ALLC: variants seen among roughly 807,000 people sequenced by gnomAD.
ALLC encodes the protein probable inactive allantoicase.
In ALLC, 40 loss-of-function variants were observed where a neutral mutation model predicts 45.0. The observed-to-expected ratio is 0.89, with a 90% confidence interval of 0.69 to 1.16. ALLC has a LOEUF of 1.16. Ranked by LOEUF, ALLC falls within the 50% of genes most tolerant of loss-of-function variation. The pLI is 0.00. For synonymous variants in ALLC, 176 were observed against 178.1 expected, an observed-to-expected ratio of 0.99 and a Z score of 0.09; for missense variants, 488 against 493.1, an observed-to-expected ratio of 0.99 and a Z score of 0.10.
chr2:3,701,745 A>G (rs1010918448), intron 11 of ALLC, 109 bp downstream of exon 11: 3 of 1,312,384 alleles, frequency 2.3e-6, no homozygotes, highest in Middle Eastern at 2.9e-4. Context: ...GTTTAATGGT[A>G]AAACGAATGA....
the ALLC span, among the ~76,000 whole-genome samples, chr2:3,652,690 C>T: frequency 5.7e-5 from 8 of 140,878 alleles, no homozygotes; most frequent in African/African-American, 2.1e-4. Flanking sequence ...TCAAGGGATT[C>T]TCTTGCCTCA....
chr2:3,692,563 G>A (rs1667552412), intron 7 of ALLC, among the ~76,000 whole-genome samples: 1 of 152,120 alleles, frequency 6.6e-6, no homozygotes, highest in Non-Finnish European at 1.5e-5. Flanking sequence ...GCACTAGATG[G>A]CACCTTAAGT....
In ALLC at chr2:3,695,614, G is replaced by A; in HGVS notation, c.512-103G>A. The A allele has an allele frequency of 3.6e-6, 5 of 1,390,810 alleles. No individual in the cohort carries two copies. The South Asian group carries it at 6.4e-5, about 18-fold the overall frequency. The allele number at this position is 1,390,810 out of a possible 1,614,324, so 86.2% of individuals were successfully genotyped here. A position where few individuals can be genotyped will look rare whatever the true frequency, so the allele number is the denominator to read the frequency against. On this transcript the variant is annotated intron_variant, in intron 7 of 11. Coordinates refer to ENST00000252505, the MANE Select transcript of ALLC (RefSeq NM_018436.4). The stretch of plus-strand genomic sequence containing the variant: ...GAAACAGCAGGTGGGTGTGGCCAAA[G>A]CCTACCAAGAGATGACACTGGAGAA...
upstream of ALLC, among the ~76,000 whole-genome samples, chr2:3,654,061 C>A (rs1395687158): frequency 1.3e-5 from 2 of 152,222 alleles, no homozygotes; most frequent in African/African-American, 4.8e-5. Flanking sequence ...ACGGTCTCAT[C>A]TGAAGGCTTG....
chr2:3,651,315 GGGGGGGTGTGTGTGT>G, the ALLC span, among the ~76,000 whole-genome samples: 1 of 20,160 alleles, frequency 5.0e-5, no homozygotes, highest in Non-Finnish European at 9.9e-5. Context: ...TGGGTGGGTG[GGGGGGGTGTGTGTGT>G]GTGTGTGTGT....
At chr2:3,672,214 G>T (rs1176263881) in intron 2 of ALLC, among the ~76,000 whole-genome samples, 4 of 121,146 alleles carry the variant, frequency 3.3e-5, no homozygotes, top group Non-Finnish European at 5.3e-5. Context: ...AGGTCCTCTG[G>T]TTCTGGTTAG....
chr2:3,691,463 A>G (rs1025874153), intron 7 of ALLC, among the ~76,000 whole-genome samples: 2 of 151,640 alleles, frequency 1.3e-5, no homozygotes, highest in African/African-American at 4.8e-5. Flanking sequence ...GGGTTTTACC[A>G]TGTTGCCCAG....
At position 3,680,917 on chromosome 2, in the gene ALLC, A is replaced by T. The variant is rs1044565453; in HGVS notation, c.299-717A>T. 1.3e-5 allele frequency among the ~76,000 whole-genome samples: 2 copies of T among 152,228 alleles called. No homozygotes were observed. The highest frequency in any genetic ancestry group is 1.3e-4 in the Admixed American group (2 of 15,282). Reference sequence around the variant, plus strand: ...GCAGATTCGCATCCAAGATGGAGTCACTTTGTCTCCACAGACTTTCTGTAT... The same window carrying T: ...GCAGATTCGCATCCAAGATGGAGTCTCTTTGTCTCCACAGACTTTCTGTAT... On this transcript the variant is annotated intron_variant, in intron 5 of 11. Coordinates refer to ENST00000252505, the MANE Select transcript of ALLC (RefSeq NM_018436.4). The surrounding 1 kb of genome is among the most constrained non-coding windows in gnomAD (Gnocchi z 4.0).
intron 7 of ALLC, among the ~76,000 whole-genome samples, chr2:3,685,399 G>A (rs1667309239): frequency 6.6e-6 from 1 of 150,758 alleles, no homozygotes. Context: ...AGAAGGCGAA[G>A]CAAGGCATGT....
chr2:3,674,222 A>T, intron 3 of ALLC, 97 bp downstream of exon 3: 1 of 924,074 alleles, frequency 1.1e-6, no homozygotes, highest in Non-Finnish European at 1.7e-6. Flanking sequence ...GGATGGAGTC[A>T]TGTGATGTAC....
At chr2:3,695,388 TA>T in intron 7 of ALLC, 1 of 278,862 alleles carries the variant, frequency 3.6e-6, no homozygotes, top group Non-Finnish European at 6.8e-6. Flanking sequence ...AGAGATATGA[TA>T]AAATGTAACC....
upstream of ALLC, among the ~76,000 whole-genome samples, chr2:3,656,309 C>A (rs764039284): frequency 4.5e-4 from 68 of 152,352 alleles, no homozygotes; most frequent in Admixed American, 2.0e-3. Flanking sequence ...GCTCCGAGAA[C>A]AGCCTCACGT....
chr2:3,647,341 CGT>C, the ALLC span, among the ~76,000 whole-genome samples: 2 of 151,980 alleles, frequency 1.3e-5, no homozygotes, highest in Non-Finnish European at 2.9e-5. Flanking sequence ...ACGATTAAAA[CGT>C]ATCTGGAGAA....
chr2:3,699,762 A>G (rs1488140356), intron 10 of ALLC, among the ~76,000 whole-genome samples: 1 of 152,096 alleles, frequency 6.6e-6, no homozygotes, highest in Non-Finnish European at 1.5e-5. Context: ...GATGTCAGCC[A>G]TTTTTTCATA....
chr2:3,695,791 G>A lies in ALLC; in HGVS notation c.586G>A (p.Ala196Thr). The A allele has an allele frequency of 6.2e-7, 1 of 1,614,020 alleles. No homozygotes were observed. Among genetic ancestry groups the A allele is most frequent in the Non-Finnish European group, 8.5e-7 (1 of 1,179,886 alleles). ...DWTATDPKEP[A>T]DLVAIAFGGV... is the part of the protein sequence containing the mutation. ...GACTGCAACTGACCCCAAAGAACCT[G>A]CAGACCTAGTGGCCATCGCTTTTGG... is the stretch of plus-strand genomic sequence containing the variant. Residue 196 changes from alanine to threonine, a missense_variant, in exon 8 of 12, where the codon GCA becomes ACA. Physicochemically the swap from Ala to Thr is moderately conservative, Grantham distance 58. Coordinates refer to ENST00000252505, the MANE Select transcript of ALLC (RefSeq NM_018436.4).
At chr2:3,665,762 T>C (rs1666688946) in intron 1 of ALLC, among the ~76,000 whole-genome samples, 2 of 152,262 alleles carry the variant, frequency 1.3e-5, no homozygotes, top group African/African-American at 4.8e-5. Context: ...TGAATAGTGC[T>C]GCAATGAACA....
At chr2:3,646,688 G>A in the ALLC span, among the ~76,000 whole-genome samples, 1 of 152,204 alleles carries the variant, frequency 6.6e-6, no homozygotes, top group Non-Finnish European at 1.5e-5. Flanking sequence ...GTGTATGAGA[G>A]ATGGAGTCTT....
At chr2:3,648,799 G>A in the ALLC span, among the ~76,000 whole-genome samples, 2 of 152,256 alleles carry the variant, frequency 1.3e-5, no homozygotes, top group Non-Finnish European at 2.9e-5. Flanking sequence ...CTGTGTCCCA[G>A]GCTGGGACAC....
At chr2:3,660,906 C>CTGAATGAGTCAGGGTGG (rs1558532936) in intron 1 of ALLC, among the ~76,000 whole-genome samples, 3 of 151,774 alleles carry the variant, frequency 2.0e-5, no homozygotes, top group African/African-American at 7.3e-5. Flanking sequence ...AGCAGGTGAT[C>CTGAATGAGTCAGGGTGG]AAAAAAGGTT....
Sources: gnomAD v4.1 joint callset for allele counts (sites outside exome capture counted in the v4.1 genomes callset) on GRCh38, gnomAD v4.1.1 for gene constraint, Gnocchi (gnomAD v3.1) non-coding constraint, MANE v1.5 for transcripts, NCBI Gene and HGNC (gene_info 2026-07-23, HGNC 2026-07-21) for gene names.